Variants in MEP1A observed in about 807,000 individuals in gnomAD.
The protein encoded by MEP1A is N-benzoyl-L-tyrosyl-P-amino-benzoic acid hydrolase subunit alpha.
A neutral mutation model predicts 84.5 loss-of-function variants in MEP1A; 68 were observed. The ratio of observed to expected loss-of-function variants is 0.80; its 90% CI spans 0.66 to 0.98. The LOEUF (loss-of-function observed/expected upper bound fraction) is 0.98. MEP1A is among the 50% of genes least tolerant of loss of function. The pLI is 0.00. For synonymous variants in MEP1A, 337 were observed against 336.8 expected (o/e 1.00, Z -0.01); for missense variants, 887 against 919.9 (o/e 0.96, Z 0.46).
At chr6:46,798,073 T>C (rs1413840894) in intron 3 of MEP1A, among the ~76,000 whole-genome samples, 1 of 151,886 alleles carries the variant, frequency 6.6e-6, no homozygotes, top group Non-Finnish European at 1.5e-5. Flanking sequence ...GTTCAAGCAA[T>C]TCTCCTGCCT....
At chr6:46,796,344 A>G (rs1351255159) in intron 3 of MEP1A, among the ~76,000 whole-genome samples, 2 of 151,814 alleles carry the variant, frequency 1.3e-5, no homozygotes, top group Non-Finnish European at 2.9e-5. Flanking sequence ...CTCTTCCTTC[A>G]TTCCCTCACT....
intron 5 of MEP1A, among the ~76,000 whole-genome samples, chr6:46,807,227 A>G (rs1767345509): frequency 6.6e-6 from 1 of 151,994 alleles, no homozygotes; most frequent in Non-Finnish European, 1.5e-5. Flanking sequence ...CCAAGGTTAA[A>G]GGAATGCTAG....
intron 5 of MEP1A, among the ~76,000 whole-genome samples, chr6:46,803,921 C>T (rs1357814202): frequency 6.6e-6 from 1 of 151,630 alleles, no homozygotes; most frequent in East Asian, 1.9e-4. Context: ...ATTATGCAAG[C>T]ATTTTACAAT....
intron 7 of MEP1A, among the ~76,000 whole-genome samples, chr6:46,822,997 C>T (rs1767817763): frequency 6.6e-6 from 1 of 152,168 alleles, no homozygotes; most frequent in Non-Finnish European, 1.5e-5. Context: ...GGACCAAGTA[C>T]TCTGGAGGGA....
intron 5 of MEP1A, among the ~76,000 whole-genome samples, chr6:46,805,326 T>C (rs2150742536): frequency 6.6e-6 from 1 of 152,042 alleles, no homozygotes; most frequent in East Asian, 1.9e-4. Context: ...GTGTTGTCAA[T>C]TTTTAAAGTT....
chr6:46,804,823 C>T (rs1202994650), intron 5 of MEP1A, among the ~76,000 whole-genome samples: 1 of 151,736 alleles, frequency 6.6e-6, no homozygotes, highest in African/African-American at 2.4e-5. Flanking sequence ...TGTTATGGCC[C>T]TTCCAAGTTA....
At chr6:46,843,136 G>A (rs149661195), downstream of MEP1A, among the ~76,000 whole-genome samples, 1 of 152,148 alleles carries the variant, frequency 6.6e-6, no homozygotes, top group South Asian at 2.1e-4. Flanking sequence ...TTTGAGGTGG[G>A]TATTCTTTTC....
chr6:46,798,233 G>A (rs1236844129), intron 3 of MEP1A, among the ~76,000 whole-genome samples: 1 of 152,114 alleles, frequency 6.6e-6, no homozygotes, highest in Non-Finnish European at 1.5e-5. Context: ...CTCCCAAAGT[G>A]CTGGGATTAC....
In MEP1A at chr6:46,803,685, A is replaced by C. The variant is rs141461277; in HGVS notation, c.262+4504A>C. The stretch of plus-strand genomic sequence containing the variant: ...GATGAAAATTCATATCACTTATTTT[A>C]AACCTTCATTTTTTCTAATGTAATA... On this transcript the variant is annotated intron_variant, in intron 5 of 13. Transcript: ENST00000230588. 1.6e-3 allele frequency among the ~76,000 whole-genome samples: 245 copies of C among 151,566 alleles called. 3 individuals are homozygous for C. The highest frequency in any genetic ancestry group is 5.5e-3 in the African/African-American group (228 of 41,462).
intron 10 of MEP1A, among the ~76,000 whole-genome samples, chr6:46,832,717 A>G (rs2150756183): frequency 6.6e-6 from 1 of 152,296 alleles, no homozygotes; most frequent in South Asian, 2.1e-4. Flanking sequence ...TGGCTATTTT[A>G]TATGATTCAG....
At chr6:46,818,589 T>A (rs1209858468) in intron 6 of MEP1A, among the ~76,000 whole-genome samples, 3 of 152,174 alleles carry the variant, frequency 2.0e-5, no homozygotes, top group Non-Finnish European at 4.4e-5. Flanking sequence ...GAAGACATTC[T>A]ACCGTAAGGA....
At chr6:46,844,255 A>G (rs1290737476), downstream of MEP1A, among the ~76,000 whole-genome samples, 2 of 152,222 alleles carry the variant, frequency 1.3e-5, no homozygotes, top group African/African-American at 4.8e-5. Context: ...TAATGGAGTC[A>G]GGTGCCAGTG....
At chr6:46,813,248 C>A (rs886114614) in intron 6 of MEP1A, among the ~76,000 whole-genome samples, 1 of 152,000 alleles carries the variant, frequency 6.6e-6, no homozygotes, top group East Asian at 1.9e-4. Context: ...CATGCAAATA[C>A]GTGGAAATTA....
chr6:46,810,453 C>A lies in MEP1A; in HGVS notation c.380+916C>A, dbSNP rs190065605. ...TCTGCTGATTATTTCTTTTGCCATG[C>A]AGAAGCTTTTGAGTTTAATTAAGTC... is the stretch of plus-strand genomic sequence containing the variant. On this transcript the variant is annotated intron_variant, in intron 6 of 13. Transcript: ENST00000230588. Among the ~76,000 whole-genome samples the A allele has an allele frequency of 1.5e-3, 223 of 152,274 alleles. 1 individual carries two copies. The highest frequency in any genetic ancestry group is 5.1e-3 in the African/African-American group (213 of 41,572).
intron 1 of MEP1A, 42 bp from the exon 2 acceptor site, chr6:46,793,510 C>A: frequency 6.3e-7 from 1 of 1,585,370 alleles, no homozygotes; most frequent in Non-Finnish European, 8.6e-7. Flanking sequence ...AATATTAATT[C>A]TAGTATACAT....
intron 8 of MEP1A, 78 bp from the exon 9 acceptor site, chr6:46,826,276 T>G: frequency 7.5e-7 from 1 of 1,328,618 alleles, no homozygotes; most frequent in Non-Finnish European, 1.0e-6. Flanking sequence ...AACAATGAGG[T>G]TTTAGTGGCT....
downstream of MEP1A, among the ~76,000 whole-genome samples, chr6:46,842,371 C>T (rs1227333241): frequency 2.0e-5 from 3 of 152,094 alleles, no homozygotes; most frequent in Admixed American, 6.5e-5. Context: ...GGAGAGATAT[C>T]GCTGAATTCT....
chr6:46,799,657 T>G (rs1767149270), intron 5 of MEP1A, among the ~76,000 whole-genome samples: 1 of 152,202 alleles, frequency 6.6e-6, no homozygotes, highest in African/African-American at 2.4e-5. Flanking sequence ...ATGTCTACTC[T>G]TTTCTCTCTC....
chr6:46,828,338 G>T (rs1023244264), intron 9 of MEP1A, among the ~76,000 whole-genome samples: 1 of 150,646 alleles, frequency 6.6e-6, no homozygotes, highest in African/African-American at 2.4e-5. Context: ...AATATAATTT[G>T]CCCTGATTTA....
Sources: gnomAD v4.1 joint callset for allele counts (sites outside exome capture counted in the v4.1 genomes callset) on GRCh38, gnomAD v4.1.1 for gene constraint, MANE v1.5 for transcripts, NCBI Gene and HGNC (gene_info 2026-07-23, HGNC 2026-07-21) for gene names.